The following NFYB variants were observed in gnomAD, a reference collection of about 807,000 sequenced individuals.
NFYB encodes the protein CAAT box DNA-binding protein subunit B.
NFYB carries 13 observed loss-of-function variants against 28.0 expected under a neutral mutation model. The observed-to-expected ratio is 0.46, with a 90% CI of 0.30 to 0.74. The LOEUF is 0.74. NFYB is among the 30% of genes least tolerant of loss of function. The pLI is 0.07. For missense variants in NFYB, 142 were observed against 247.6 expected (o/e 0.57, Z 2.86); for synonymous variants, 74 against 75.0 (o/e 0.99, Z 0.07).
At chr12:104,127,728 G>A (rs1454302856) in intron 3 of NFYB, among the ~76,000 whole-genome samples, 1 of 135,914 alleles carries the variant, frequency 7.4e-6, no homozygotes, top group Non-Finnish European at 1.5e-5. Context: ...AGGCTGGAGT[G>A]TGCAGTGGTG....
chr12:104,119,822 T>C lies in NFYB; in HGVS notation c.592-53A>G, dbSNP rs977486903. On this transcript the variant is annotated intron_variant, in intron 7 of 7. Coordinates refer to ENST00000240055, the MANE Select transcript of NFYB (RefSeq NM_006166.4). The stretch of plus-strand genomic sequence containing the variant: ...GAATTAAAGAAAAGGAGATTAAAAG[T>C]ACCATATGCATATTATAAAAATTCA... 5.3e-6 allele frequency: 6 copies of C among 1,138,342 alleles called. No individual in the cohort carries two copies. The African/African-American group carries it at 9.2e-5, about 17-fold the overall frequency. 70.5% of individuals were successfully genotyped at this position (1,138,342 alleles called of 1,614,324 possible).
rs895102816 is a variant in NFYB, at chr12:104,118,045, C to T, written c.*1692G>A. On this transcript the variant is annotated 3_prime_UTR_variant, in exon 8 of 8. Coordinates refer to ENST00000240055, the MANE Select transcript of NFYB (RefSeq NM_006166.4). Reference sequence around the variant, plus strand: ...TTAAATGAATTATGATTGAGTCATACAGCAGAATAATAAACCAATAAAAAT... The same window carrying T: ...TTAAATGAATTATGATTGAGTCATATAGCAGAATAATAAACCAATAAAAAT... 1 of 152,060 alleles carries T rather than the reference C, an allele frequency of 6.6e-6. No individual in the cohort carries two copies. The highest frequency in any genetic ancestry group is 1.5e-5 in the Non-Finnish European group (1 of 67,994). The allele number at this position is 152,060 out of a possible 1,614,324, so 9.4% of individuals were successfully genotyped here.
intron 4 of NFYB, 68 bp downstream of exon 4, chr12:104,126,039 TACCCATG>T: frequency 7.1e-7 from 1 of 1,404,600 alleles, no homozygotes; most frequent in Non-Finnish European, 9.5e-7. Context: ...CAGCTAACTG[TACCCATG>T]ACCTATGAAT....
intron 2 of NFYB, among the ~76,000 whole-genome samples, chr12:104,134,105 C>G (rs372583501): frequency 3.9e-5 from 6 of 152,184 alleles, no homozygotes; most frequent in African/African-American, 1.2e-4. Flanking sequence ...CTCTCCTACT[C>G]TGATTTCCAA....
chr12:104,136,208 A>G (rs2031094620), intron 1 of NFYB, among the ~76,000 whole-genome samples: 1 of 152,236 alleles, frequency 6.6e-6, no homozygotes, highest in African/African-American at 2.4e-5. Flanking sequence ...TAAATAGCTG[A>G]ACAAATTAGT....
At chr12:104,129,966 A>G (rs556893244) in intron 2 of NFYB, among the ~76,000 whole-genome samples, 1 of 152,340 alleles carries the variant, frequency 6.6e-6, no homozygotes, top group Admixed American at 6.5e-5. Context: ...TATTTTAAAA[A>G]AAGCCTGCTT....
chr12:104,120,720 T>C (rs1190912852), intron 6 of NFYB, among the ~76,000 whole-genome samples: 1 of 152,186 alleles, frequency 6.6e-6, no homozygotes, highest in African/African-American at 2.4e-5. Flanking sequence ...TAACTGCCCA[T>C]GTGTACAAAT....
chr12:104,129,633 CT>C (rs996434085), intron 2 of NFYB, among the ~76,000 whole-genome samples: 43 of 152,258 alleles, frequency 2.8e-4, no homozygotes, highest in Admixed American at 9.2e-4. Flanking sequence ...AATCCCAGAA[CT>C]TTGGGAAGCC....
intron 2 of NFYB, among the ~76,000 whole-genome samples, chr12:104,133,928 G>A (rs2031013860): frequency 6.6e-6 from 1 of 152,052 alleles, no homozygotes; most frequent in Non-Finnish European, 1.5e-5. Flanking sequence ...TGCCCTGACA[G>A]TTGTTAAGAC....
In NFYB at chr12:104,120,387, C is replaced by G; in HGVS notation, c.591+13G>C. On this transcript the variant is annotated intron_variant, in intron 7 of 7. Coordinates refer to ENST00000240055, the MANE Select transcript of NFYB (RefSeq NM_006166.4). Reference sequence around the variant, plus strand: ...TCAAATTTTTTAAGCATTTAAAATACAAAGGACTGTACCTGTTGATATGAT... The same window carrying G: ...TCAAATTTTTTAAGCATTTAAAATAGAAAGGACTGTACCTGTTGATATGAT... 1 of 1,605,106 alleles carries G rather than the reference C, an allele frequency of 6.2e-7. No individual in the cohort carries two copies.
chr12:104,127,051 C>T (rs576030696), intron 3 of NFYB, among the ~76,000 whole-genome samples: 1 of 152,288 alleles, frequency 6.6e-6, no homozygotes, highest in African/African-American at 2.4e-5. Flanking sequence ...CTGAAGCTTG[C>T]GCAGTACCAA....
At position 104,121,331 on chromosome 12, in the gene NFYB, G is replaced by GAAA; in HGVS notation, c.430-13_430-11dup. The GAAA allele has an allele frequency of 1.6e-6, 2 of 1,251,400 alleles. No homozygotes were observed. The highest frequency in any genetic ancestry group is 2.3e-5 in the Admixed American group (1 of 43,520). The allele number at this position is 1,251,400 out of a possible 1,614,324, so 77.5% of individuals were successfully genotyped here. A position where few individuals can be genotyped will look rare whatever the true frequency, so the allele number is the denominator to read the frequency against. ...TTTCTCCTTTCATAGCCTGAGGAAG[G>GAAA]AAAAAAAAAAAGTCACTGATATTCA... On this transcript the variant is annotated splice_polypyrimidine_tract_variant and intron_variant, in intron 5 of 7. Transcript: ENST00000240055.
intron 7 of NFYB, among the ~76,000 whole-genome samples, 188 bp downstream of exon 7, chr12:104,120,212 G>A (rs1011240819): frequency 1.3e-5 from 2 of 151,906 alleles, no homozygotes; most frequent in East Asian, 1.9e-4. Flanking sequence ...ACGCCATGAC[G>A]CCCAGCTAAT....
At position 104,118,823 on chromosome 12, in the gene NFYB, A is replaced by T. The variant is rs2030358118; in HGVS notation, c.*914T>A. On this transcript the variant is annotated 3_prime_UTR_variant, in exon 8 of 8. Coordinates refer to ENST00000240055, the MANE Select transcript of NFYB (RefSeq NM_006166.4). ...TTCTTGGTTTCCATAGTGTAACAGG[A>T]AACTTGACATTTCAATTAAAAAGGT... 6.6e-6 allele frequency: 1 copy of T among 152,168 alleles called. No individual in the cohort carries two copies. 9.4% of individuals were successfully genotyped at this position (152,168 alleles called of 1,614,324 possible).
chr12:104,121,825 C>A (rs1253814358), intron 5 of NFYB, among the ~76,000 whole-genome samples: 1 of 152,164 alleles, frequency 6.6e-6, no homozygotes, highest in Non-Finnish European at 1.5e-5. Flanking sequence ...TTTACACATT[C>A]TTTTCCTACT....
intron 1 of NFYB, among the ~76,000 whole-genome samples, chr12:104,136,869 CAGT>C (rs1452192228): frequency 6.6e-6 from 1 of 152,188 alleles, no homozygotes; most frequent in Non-Finnish European, 1.5e-5. Flanking sequence ...CCAAGAAAAG[CAGT>C]AGTCCCTTCC....
intron 5 of NFYB, among the ~76,000 whole-genome samples, chr12:104,121,686 G>GTA (rs2030483421): frequency 6.6e-6 from 1 of 152,160 alleles, no homozygotes; most frequent in South Asian, 2.1e-4. Context: ...GATCACTTAA[G>GTA]TATATATATG....
intron 3 of NFYB, among the ~76,000 whole-genome samples, chr12:104,128,182 T>C (rs2030790493): frequency 6.6e-6 from 1 of 152,230 alleles, no homozygotes; most frequent in Non-Finnish European, 1.5e-5. Context: ...TAAAAGAAAC[T>C]GTACAGATTT....
At chr12:104,137,908 G>A (rs567590627) in intron 1 of NFYB, 13 of 146,428 alleles carry the variant, frequency 8.9e-5, no homozygotes, top group Admixed American at 6.1e-4. Flanking sequence ...TCCTCAGCCC[G>A]GCGCACAAAG....
Sources: gnomAD v4.1 joint callset for allele counts (sites outside exome capture counted in the v4.1 genomes callset) on GRCh38, gnomAD v4.1.1 for gene constraint, MANE v1.5 for transcripts, NCBI Gene and HGNC (gene_info 2026-07-23, HGNC 2026-07-21) for gene names.